SOX5: variants seen among roughly 807,000 people sequenced by gnomAD.
The protein encoded by SOX5 is SRY-box transcription factor 5.
SOX5 carries 9 observed loss-of-function variants against 92.0 expected under a neutral mutation model. The ratio of observed to expected loss-of-function variants is 0.10; its 90% CI spans 0.06 to 0.17. The LOEUF is 0.17. Ranked by LOEUF, SOX5 falls within the 10% of genes least tolerant of loss-of-function variation. The pLI, the probability that SOX5 is intolerant of heterozygous loss-of-function variation, is 1.00. For synonymous variants in SOX5, 344 were observed against 336.3 expected (o/e 1.02, Z -0.25); for missense variants, 642 against 944.5 (o/e 0.68, Z 4.20).
chr12:24,522,810 T>C (rs1950375150), intron 1 of SOX5, among the ~76,000 whole-genome samples: 1 of 152,118 alleles, frequency 6.6e-6, no homozygotes, highest in Admixed American at 6.5e-5. Context: ...TCTACTCATA[T>C]TCAACATTGA....
intron 2 of SOX5, among the ~76,000 whole-genome samples, chr12:24,356,093 T>C (rs1954795900): frequency 6.6e-6 from 1 of 152,190 alleles, no homozygotes; most frequent in South Asian, 2.1e-4. Context: ...ATATCAGATT[T>C]TCTGCAGAAT....
At chr12:24,316,090 TGTA>T (rs1351186660) in intron 2 of SOX5, among the ~76,000 whole-genome samples, 3 of 152,226 alleles carry the variant, frequency 2.0e-5, no homozygotes, top group African/African-American at 7.2e-5. Flanking sequence ...CTGTGTCACT[TGTA>T]GTATTCTCTT....
At chr12:23,980,116 G>GT (rs1949432007) in intron 4 of SOX5, among the ~76,000 whole-genome samples, 4 of 151,930 alleles carry the variant, frequency 2.6e-5, no homozygotes, top group Non-Finnish European at 5.9e-5. Context: ...ATCTTCGTAT[G>GT]GCCATAATGA....
At chr12:24,218,386 A>G (rs181770925) in intron 3 of SOX5, among the ~76,000 whole-genome samples, 1 of 152,354 alleles carries the variant, frequency 6.6e-6, no homozygotes, top group East Asian at 1.9e-4. Context: ...AAAAGACCAT[A>G]TATTGTATAA....
intron 4 of SOX5, among the ~76,000 whole-genome samples, chr12:24,084,327 G>T (rs1943711584): frequency 6.6e-6 from 1 of 152,056 alleles, no homozygotes; most frequent in South Asian, 2.1e-4. Context: ...GTCTACTGTA[G>T]AGATGGGATT....
At chr12:24,183,650 T>TA (rs1442657573) in intron 4 of SOX5, among the ~76,000 whole-genome samples, 4 of 152,094 alleles carry the variant, frequency 2.6e-5, no homozygotes, top group Non-Finnish European at 5.9e-5. Flanking sequence ...AAATCTAATA[T>TA]AAAAAAAATT....
chr12:23,918,901 A>G (rs1365350640), intron 1 of SOX5, among the ~76,000 whole-genome samples: 1 of 151,914 alleles, frequency 6.6e-6, no homozygotes, highest in East Asian at 1.9e-4. Flanking sequence ...TGGAAAACAT[A>G]GCAAGACTCC....
intron 2 of SOX5, among the ~76,000 whole-genome samples, chr12:24,315,114 TTACTC>T (rs1162013117): frequency 7.2e-5 from 11 of 152,172 alleles, no homozygotes; most frequent in African/African-American, 2.4e-4. Flanking sequence ...GACAGCTCAT[TTACTC>T]TACCTCTAGT....
chr12:24,435,710 T>C (rs952033615), intron 1 of SOX5, among the ~76,000 whole-genome samples: 5 of 152,224 alleles, frequency 3.3e-5, no homozygotes, highest in Admixed American at 6.5e-5. Context: ...AGCCATAATA[T>C]AGCTCATTTT....
chr12:24,524,777 G>A (rs1303116775), intron 1 of SOX5, among the ~76,000 whole-genome samples: 1 of 152,176 alleles, frequency 6.6e-6, no homozygotes, highest in Non-Finnish European at 1.5e-5. Flanking sequence ...AAACCCTTGG[G>A]AGGCTGAAGC....
intron 1 of SOX5, among the ~76,000 whole-genome samples, chr12:24,458,737 GA>G (rs1943294795): frequency 6.6e-6 from 1 of 152,102 alleles, no homozygotes; most frequent in Non-Finnish European, 1.5e-5. Context: ...ATCAGAACCT[GA>G]ATTTTAACAA....
At chr12:24,026,668 A>T (rs531083830) in intron 4 of SOX5, among the ~76,000 whole-genome samples, 2,316 of 124,756 alleles carry the variant, frequency 0.019, 50 homozygotes, top group African/African-American at 0.077. Context: ...CTATTAGATA[A>T]AAAAAAAAAA....
chr12:24,073,379 A>T lies in SOX5; in HGVS notation c.-2+139964T>A, dbSNP rs1284648932. On this transcript the variant is annotated intron_variant, in intron 4 of 4. Coordinates refer to the SOX5 transcript ENST00000446891. The stretch of plus-strand genomic sequence containing the variant: ...ATGCTTCTAAAAATTTAAGTTTACG[A>T]CCCCATGGACAATCTTGACTCTAAT... Among the ~76,000 whole-genome samples, 3 of 152,108 alleles carry T rather than the reference A, an allele frequency of 2.0e-5. No homozygotes were observed. In the East Asian group the frequency reaches 5.8e-4, roughly 29 times the overall value.
chr12:24,081,069 G>A (rs572065676), intron 4 of SOX5, among the ~76,000 whole-genome samples: 10 of 152,046 alleles, frequency 6.6e-5, no homozygotes, highest in Middle Eastern at 3.4e-3. Context: ...AAAATCCAAT[G>A]ATGATATCAA....
At chr12:24,020,324 A>C (rs554634586) in intron 4 of SOX5, among the ~76,000 whole-genome samples, 11 of 152,282 alleles carry the variant, frequency 7.2e-5, no homozygotes, top group Admixed American at 3.3e-4. Context: ...TACTAACACA[A>C]ACCTGGGTTT....
intron 4 of SOX5, among the ~76,000 whole-genome samples, chr12:23,974,445 C>T (rs1383064826): frequency 1.3e-5 from 2 of 151,774 alleles, no homozygotes; most frequent in Non-Finnish European, 2.9e-5. Context: ...ACTCTCATTC[C>T]AATGTAAAAG....
intron 4 of SOX5, among the ~76,000 whole-genome samples, chr12:24,184,510 T>C (rs1955829487): frequency 6.6e-6 from 1 of 152,146 alleles, no homozygotes; most frequent in Non-Finnish European, 1.5e-5. Context: ...TCAATATGAA[T>C]AAACATCATG....
intron 10 of SOX5, among the ~76,000 whole-genome samples, chr12:23,566,316 A>G (rs1947076060): frequency 6.6e-6 from 1 of 152,140 alleles, no homozygotes; most frequent in African/African-American, 2.4e-5. Context: ...ACATTATCTC[A>G]TAATCTCCCA....
chr12:23,921,581 C>T (rs1391438183), intron 1 of SOX5, among the ~76,000 whole-genome samples: 1 of 152,092 alleles, frequency 6.6e-6, no homozygotes, highest in East Asian at 1.9e-4. Context: ...GGCAAACTTA[C>T]ATTTCAAAAC....
Sources: allele counts gnomAD v4.1 joint callset (sites outside exome capture counted in the v4.1 genomes callset), GRCh38; gene constraint gnomAD v4.1.1; transcripts MANE v1.5; gene names NCBI Gene and HGNC (gene_info 2026-07-23, HGNC 2026-07-21).